The following CDK12 variants were observed in gnomAD, a reference collection of about 807,000 sequenced individuals.
CDK12 encodes the protein cyclin-dependent kinase 12.
CDK12 carries 17 observed loss-of-function variants against 133.8 expected under a neutral mutation model. That is an observed-to-expected ratio of 0.13 (90% CI 0.09 to 0.19). CDK12 has a LOEUF of 0.19. Ranked by LOEUF, CDK12 falls within the 10% of genes least tolerant of loss-of-function variation. CDK12 has a pLI of 1.00. For missense variants in CDK12, 1,508 were observed against 1,818.7 expected (o/e 0.83, Z 3.11); for synonymous variants, 694 against 683.6 (o/e 1.02, Z -0.24).
chr17:39,464,751 C>G (rs1404002908), intron 1 of CDK12, among the ~76,000 whole-genome samples: 1 of 150,542 alleles, frequency 6.6e-6, no homozygotes, highest in East Asian at 2.0e-4. Flanking sequence ...TTTGCTGTAT[C>G]CAGGCTGGGC....
intron 10 of CDK12, among the ~76,000 whole-genome samples, chr17:39,519,559 G>C (rs1477196003): frequency 6.7e-6 from 1 of 150,282 alleles, no homozygotes; most frequent in Non-Finnish European, 1.5e-5. Context: ...GTGTGGGACT[G>C]TAGGCATGAG....
At chr17:39,493,149 A>C (rs1598035808) in intron 4 of CDK12, among the ~76,000 whole-genome samples, 1 of 142,280 alleles carries the variant, frequency 7.0e-6, no homozygotes. Flanking sequence ...GTGCGCAACC[A>C]CACTCGACTA....
At position 39,462,804 on chromosome 17, in the gene CDK12, G is replaced by A; in HGVS notation, c.733G>A (p.Asp245Asn). The change falls in exon 1 of 14, where the codon GAT (aspartate) becomes AAT (asparagine). Residue 245 changes from aspartate (D) to asparagine (N), a missense_variant. This residue lies in a region of CDK12 where 460 missense variants were observed against 490.8 expected (regional missense o/e 0.94). Coordinates refer to ENST00000447079, the MANE Select transcript of CDK12 (RefSeq NM_016507.4). ...DSPSGASYGQ[D>N]YDLSPSRSHT... ...CCCCTCGGGAGCTTCTTATGGCCAAGATTATGACCTTAGTCCCTCACGATC... is the reference window on the plus strand; with the variant it reads ...CCCCTCGGGAGCTTCTTATGGCCAAAATTATGACCTTAGTCCCTCACGATC... 1 of 1,614,220 alleles carries A rather than the reference G, an allele frequency of 6.2e-7. No individual in the cohort carries two copies. Among genetic ancestry groups the A allele is most frequent in the Non-Finnish European group, 8.5e-7 (1 of 1,180,042 alleles).
chr17:39,562,330 T>C (rs192026380), intron 3 of CDK12, among the ~76,000 whole-genome samples: 13 of 152,314 alleles, frequency 8.5e-5, no homozygotes, highest in Non-Finnish European at 1.5e-4. Flanking sequence ...TGGGAGTTCT[T>C]AGACAAAGGG....
chr17:39,497,690 A>G (rs982524184), intron 5 of CDK12, among the ~76,000 whole-genome samples: 5 of 151,434 alleles, frequency 3.3e-5, no homozygotes, highest in African/African-American at 1.2e-4. Context: ...TACATCCTCA[A>G]CCTCCAGGCT....
intron 2 of CDK12, among the ~76,000 whole-genome samples, chr17:39,482,886 G>A (rs2050828929): frequency 6.7e-6 from 1 of 150,192 alleles, no homozygotes; most frequent in African/African-American, 2.4e-5. Context: ...ACAGGTGAGA[G>A]CCACTATGCC....
chr17:39,525,778 TTGTAAGTTGC>T, intron 12 of CDK12, 76 bp from the exon 13 acceptor site: 1 of 944,228 alleles, frequency 1.1e-6, no homozygotes, highest in Non-Finnish European at 1.6e-6. Flanking sequence ...TTTTTGGATA[TTGTAAGTTGC>T]TGTTGCCAGT....
rs180880344 is a variant in CDK12, at chr17:39,486,014, G to T, written c.1932-4543G>T. The stretch of plus-strand genomic sequence containing the variant: ...GTCGCCCAGGCTGGAGTGCAGTGGG[G>T]TGATCTTGGCTCACTGCAACCTCTG... On this transcript the variant is annotated intron_variant, in intron 2 of 13. Transcript: ENST00000447079. 2.2e-4 allele frequency among the ~76,000 whole-genome samples: 33 copies of T among 151,134 alleles called. No homozygotes were observed. In the East Asian group the frequency reaches 6.4e-3, roughly 29 times the overall value.
At chr17:39,477,173 A>T (rs550106990) in intron 2 of CDK12, among the ~76,000 whole-genome samples, 16 of 151,146 alleles carry the variant, frequency 1.1e-4, no homozygotes, top group Admixed American at 2.6e-4. Context: ...GGTGTGTGCC[A>T]CCATGTCTGG....
intron 11 of CDK12, among the ~76,000 whole-genome samples, chr17:39,522,778 C>T (rs761767992): frequency 3.9e-5 from 6 of 152,018 alleles, no homozygotes; most frequent in Non-Finnish European, 7.4e-5. Context: ...TTCGGTCGAG[C>T]GCGGTCGCTC....
At chr17:39,501,904 G>C (rs2052741950) in intron 6 of CDK12, among the ~76,000 whole-genome samples, 1 of 151,666 alleles carries the variant, frequency 6.6e-6, no homozygotes, top group Non-Finnish European at 1.5e-5. Context: ...GAGTGCAGTG[G>C]CGTGATCTCG....
At chr17:39,519,064 G>T (rs1415174522) in intron 10 of CDK12, among the ~76,000 whole-genome samples, 3 of 150,296 alleles carry the variant, frequency 2.0e-5, no homozygotes, top group Non-Finnish European at 3.0e-5. Context: ...ACCACACCCA[G>T]CTAATTTTTT....
chr17:39,512,008 C>T (rs2053534613), intron 8 of CDK12, among the ~76,000 whole-genome samples: 1 of 152,108 alleles, frequency 6.6e-6, no homozygotes, highest in Non-Finnish European at 1.5e-5. Context: ...TTGTCCTATC[C>T]AGCCTTTTAT....
At position 39,525,846 on chromosome 17, in the gene CDK12, T is replaced by A; in HGVS notation, c.3308-18T>A. On this transcript the variant is annotated intron_variant, in intron 12 of 13. Transcript: ENST00000447079. ...GCCTATCTCATCGTCTTATATTGGCTTCACTGTCTTTCAACAGGCCTTGCT... is the reference window on the plus strand; with the variant it reads ...GCCTATCTCATCGTCTTATATTGGCATCACTGTCTTTCAACAGGCCTTGCT... 6.2e-7 allele frequency: 1 copy of A among 1,604,110 alleles called. No homozygotes were observed. The highest frequency in any genetic ancestry group is 8.5e-7 in the Non-Finnish European group (1 of 1,173,042).
In CDK12 at chr17:39,532,626, G is replaced by A. The variant is rs2054930891; in HGVS notation, c.*1310G>A. The A allele has an allele frequency of 4.3e-6, 1 of 232,436 alleles. No individual in the cohort carries two copies. Among genetic ancestry groups the A allele is most frequent in the Non-Finnish European group, 8.5e-6 (1 of 117,566 alleles). 14.4% of individuals were successfully genotyped at this position (232,436 alleles called of 1,614,324 possible). A position where few individuals can be genotyped will look rare whatever the true frequency, so the allele number is the denominator to read the frequency against. Reference sequence around the variant, plus strand: ...AAAAATAATTTTAAAACAGCATACTGTGAGGAAGAACAGTATTGACATACC... The same window carrying A: ...AAAAATAATTTTAAAACAGCATACTATGAGGAAGAACAGTATTGACATACC... On this transcript the variant is annotated 3_prime_UTR_variant, in exon 14 of 14. Transcript: ENST00000447079.
intron 8 of CDK12, among the ~76,000 whole-genome samples, chr17:39,513,501 A>G (rs1420713704): frequency 2.0e-5 from 3 of 152,204 alleles, no homozygotes; most frequent in Non-Finnish European, 2.9e-5. Context: ...CTTTAACAGT[A>G]TTAGCATTTA....
In CDK12 at chr17:39,494,640, A is replaced by G. The variant is rs2051919636; in HGVS notation, c.2365A>G (p.Met789Val). 1.2e-6 allele frequency: 2 copies of G among 1,603,896 alleles called. No homozygotes were observed. Among genetic ancestry groups the G allele is most frequent in the South Asian group, 1.1e-5 (1 of 89,400 alleles). ...GTTAATCCACCGAAGTGTTGTTAAC[A>G]TGAAGGAAATTGTCACAGATAAACA... ...RQLIHRSVVN[M>V]KEIVTDKQDA... is the part of the protein sequence containing the mutation. The change falls in exon 5 of 14, where the codon ATG (methionine) becomes GTG (valine). Residue 789 changes from methionine to valine, a missense_variant. Coordinates refer to ENST00000447079, the MANE Select transcript of CDK12 (RefSeq NM_016507.4).
chr17:39,503,503 A>G (rs1472942064), intron 6 of CDK12, among the ~76,000 whole-genome samples: 2 of 152,202 alleles, frequency 1.3e-5, no homozygotes, highest in African/African-American at 4.8e-5. Flanking sequence ...TTTCTGGCCT[A>G]TAGTATAATA....
intron 5 of CDK12, among the ~76,000 whole-genome samples, chr17:39,500,361 G>A (rs186031103): frequency 4.0e-4 from 61 of 151,928 alleles, no homozygotes; most frequent in Admixed American, 1.3e-3. Context: ...GGCTGGGCGC[G>A]GTGGCTGACG....
Sources: gnomAD v4.1 joint callset for allele counts (sites outside exome capture counted in the v4.1 genomes callset) on GRCh38, gnomAD v4.1.1 for gene constraint, gnomAD v4.1.1 regional missense constraint, MANE v1.5 for transcripts, NCBI Gene and HGNC (gene_info 2026-07-23, HGNC 2026-07-21) for gene names.